MEP1A: variants seen among roughly 807,000 people sequenced by gnomAD.
MEP1A encodes meprin A subunit alpha.
In MEP1A, 68 loss-of-function variants were observed where a neutral mutation model predicts 84.5. The ratio of observed to expected loss-of-function variants is 0.80; its 90% CI spans 0.66 to 0.98. The LOEUF (loss-of-function observed/expected upper bound fraction) is 0.98. MEP1A is among the 50% of genes least tolerant of loss of function. The pLI is 0.00. For missense variants in MEP1A, 887 were observed against 919.9 expected, an observed-to-expected ratio of 0.96 and a Z score of 0.46; for synonymous variants, 337 against 336.8, an observed-to-expected ratio of 1.00 and a Z score of -0.01.
In MEP1A at chr6:46,819,599, G is replaced by A. The variant is rs943386357; in HGVS notation, c.451G>A (p.Ala151Thr). The A allele has an allele frequency of 1.9e-6, 3 of 1,613,918 alleles. No homozygotes were observed. The Admixed American group carries it at 5.0e-5, about 27-fold the overall frequency. Reference sequence around the variant, plus strand: ...CATTGGCCAAGGATGTGCCTATAAGGCCATCATAGAACACGAGATCCTGCA... The same window carrying A: ...CATTGGCCAAGGATGTGCCTATAAGACCATCATAGAACACGAGATCCTGCA... ...ISIGQGCAYK[A>T]IIEHEILHAL... Residue 151 changes from alanine to threonine, a missense_variant, in exon 7 of 14, where the codon GCC becomes ACC. Coordinates refer to ENST00000230588, the MANE Select transcript of MEP1A (RefSeq NM_005588.3).
chr6:46,843,404 C>A (rs145472865), downstream of MEP1A, among the ~76,000 whole-genome samples: 58 of 152,344 alleles, frequency 3.8e-4, no homozygotes, highest in African/African-American at 1.3e-3. Context: ...AAAGTTAGTT[C>A]ACTGGGCCTG....
At position 46,819,542 on chromosome 6, in the gene MEP1A, G is replaced by A. The variant is rs766638571; in HGVS notation, c.394G>A (p.Val132Ile). The A allele has an allele frequency of 3.1e-6, 5 of 1,611,558 alleles. No individual in the cohort carries two copies. The Admixed American group carries it at 5.0e-5, about 16-fold the overall frequency. ...FQQFDGCWSE[V>I]GDQHVGQNIS... ...TCCTCTTTAAAGGTGCTGGTCTGAG[G>A]TTGGTGACCAACATGTGGGACAGAA... The change falls in exon 7 of 14, where the codon GTT (valine) becomes ATT (isoleucine). Residue 132 changes from valine (V) to isoleucine (I), a missense_variant. Coordinates refer to ENST00000230588, the MANE Select transcript of MEP1A (RefSeq NM_005588.3).
intron 12 of MEP1A, 118 bp downstream of exon 12, chr6:46,834,869 G>A (rs1768175603): frequency 1.4e-6 from 1 of 723,904 alleles, no homozygotes; most frequent in South Asian, 1.9e-5. Context: ...ATGTGTTGTA[G>A]GAGAATCACA....
chr6:46,834,901 C>T lies in MEP1A; in HGVS notation c.1783+150C>T, dbSNP rs139220759. 1.9e-3 allele frequency: 1,218 copies of T among 631,374 alleles called. 8 individuals are homozygous for T. The Middle Eastern group carries it at 0.024, about 12-fold the overall frequency. The allele number at this position is 631,374 out of a possible 1,614,324, so 39.1% of individuals were successfully genotyped here. A position where few individuals can be genotyped will look rare whatever the true frequency, so the allele number is the denominator to read the frequency against. On this transcript the variant is annotated intron_variant, in intron 12 of 13. Transcript: ENST00000230588. ...CACATTTTATTCAATTGGTCAAGGA[C>T]TCACATCTTTATTTTAATTGTCCTT...
At chr6:46,819,005 C>A (rs1016429637) in intron 6 of MEP1A, among the ~76,000 whole-genome samples, 91 of 132,006 alleles carry the variant, frequency 6.9e-4, no homozygotes, top group African/African-American at 2.6e-3. Context: ...CAAGTCCCAG[C>A]CTCTCAGGAG....
intron 3 of MEP1A, among the ~76,000 whole-genome samples, chr6:46,796,082 A>G (rs1373187198): frequency 6.6e-6 from 1 of 152,048 alleles, no homozygotes; most frequent in African/African-American, 2.4e-5. Context: ...CTACTCCTCT[A>G]AGGAAGTGAT....
At chr6:46,815,883 A>G (rs1221124510) in intron 6 of MEP1A, among the ~76,000 whole-genome samples, 1 of 152,182 alleles carries the variant, frequency 6.6e-6, no homozygotes, top group Non-Finnish European at 1.5e-5. Context: ...TTAGATACAA[A>G]TTAAATACCT....
At chr6:46,807,611 A>AAG in intron 5 of MEP1A, among the ~76,000 whole-genome samples, 2 of 80,700 alleles carry the variant, frequency 2.5e-5, no homozygotes, top group African/African-American at 5.7e-5. Context: ...GAAGGAAGGA[A>AAG]GGAAGGAAGG....
Position 46,833,337 on chromosome 6 carries a change from A to T in MEP1A, c.1408A>T (p.Thr470Ser). 1 of 1,614,210 alleles carries T rather than the reference A, an allele frequency of 6.2e-7. No homozygotes were observed. Among genetic ancestry groups the T allele is most frequent in the Non-Finnish European group, 8.5e-7 (1 of 1,180,036 alleles). The change falls in exon 11 of 14, where the codon ACT (threonine) becomes TCT (serine). Residue 470 changes from threonine to serine, a missense_variant. By Grantham distance (58) the Thr-to-Ser change is moderately conservative. Transcript: ENST00000230588. ...TTCGGAGGGATATGGTTTTGGGGTA[A>T]CTTTATACCCAAATAGCAGAGAAAG... is the stretch of plus-strand genomic sequence containing the variant. ...YNSEGYGFGV[T>S]LYPNSRESSG...
At chr6:46,833,657 A>T in intron 11 of MEP1A, 119 bp downstream of exon 11, 1 of 741,510 alleles carries the variant, frequency 1.3e-6, no homozygotes, top group South Asian at 1.7e-5. Context: ...GAATACCAAT[A>T]ACATAGTCTT....
intron 11 of MEP1A, among the ~76,000 whole-genome samples, chr6:46,834,201 G>A (rs978984977): frequency 2.4e-4 from 36 of 151,726 alleles, no homozygotes; most frequent in Middle Eastern, 3.4e-3. Context: ...AGGATTACAG[G>A]CGTGAGCCAC....
rs367572247 is a variant in MEP1A, at chr6:46,839,064, C to T, written c.2169C>T (p.Ile723=). 42 of 1,613,762 alleles carry T rather than the reference C, an allele frequency of 2.6e-5. No individual in the cohort carries two copies. The highest frequency in any genetic ancestry group is 2.0e-4 in the African/African-American group (15 of 75,030). ...QVHGSVLGMV[I]GGTAGVIFLT... is the part of the protein sequence containing the mutation. The stretch of plus-strand genomic sequence containing the variant: ...ACGGCAGTGTCCTGGGCATGGTGAT[C>T]GGAGGCACGGCTGGCGTGATCTTCT... Residue 723 remains isoleucine (I), a synonymous_variant, in exon 14 of 14, where the codon ATC becomes ATT. Transcript: ENST00000230588.
At chr6:46,805,846 C>A (rs1052365495) in intron 5 of MEP1A, among the ~76,000 whole-genome samples, 1 of 151,868 alleles carries the variant, frequency 6.6e-6, no homozygotes, top group African/African-American at 2.4e-5. Flanking sequence ...CCATTATTTG[C>A]TCAAATATTT....
At chr6:46,822,388 G>T (rs971560491) in intron 7 of MEP1A, among the ~76,000 whole-genome samples, 1 of 151,930 alleles carries the variant, frequency 6.6e-6, no homozygotes, top group African/African-American at 2.4e-5. Flanking sequence ...CACTGTTGGG[G>T]GCACTACCAA....
intron 3 of MEP1A, among the ~76,000 whole-genome samples, chr6:46,798,036 T>A (rs1001060898): frequency 6.6e-6 from 1 of 151,616 alleles, no homozygotes; most frequent in Non-Finnish European, 1.5e-5. Context: ...GGCATGATCT[T>A]GGCTCACTGT....
At chr6:46,836,631 T>C (rs1166313370) in intron 13 of MEP1A, among the ~76,000 whole-genome samples, 1 of 152,172 alleles carries the variant, frequency 6.6e-6, no homozygotes, top group African/African-American at 2.4e-5. Context: ...CTTCCCAGTT[T>C]TCCCACTAAT....
Position 46,833,525 on chromosome 6 carries a change from G to A in MEP1A, c.1596G>A (p.Ser532=), listed in dbSNP as rs775075027. 1.8e-5 allele frequency: 29 copies of A among 1,613,338 alleles called. No individual in the cohort carries two copies. The highest frequency in any genetic ancestry group is 6.7e-5 in the East Asian group (3 of 44,892). The part of the protein sequence containing the change: ...SSSMVFTTSK[S]HTSPAINDTV... ...GCATGGTGTTCACTACCTCGAAGTC[G>A]CACACATCTCCAGGTGGGTGGTGTC... The change falls in exon 11 of 14, where the codon TCG becomes TCA. Residue 532 remains serine (S), a synonymous_variant. Coordinates refer to ENST00000230588, the MANE Select transcript of MEP1A (RefSeq NM_005588.3).
intron 7 of MEP1A, among the ~76,000 whole-genome samples, chr6:46,821,842 A>G (rs1275728624): frequency 6.6e-6 from 1 of 152,180 alleles, no homozygotes; most frequent in African/African-American, 2.4e-5. Flanking sequence ...ACAATTCCGT[A>G]TATCTAAATT....
At chr6:46,807,528 G>T (rs543650456) in intron 5 of MEP1A, among the ~76,000 whole-genome samples, 1,009 of 30,618 alleles carry the variant, frequency 0.033, 17 homozygotes, top group African/African-American at 0.14. Flanking sequence ...AAGAAAGAAA[G>T]AAAGAAAGAA....
Sources: allele counts gnomAD v4.1 joint callset (sites outside exome capture counted in the v4.1 genomes callset), GRCh38; gene constraint gnomAD v4.1.1; transcripts MANE v1.5; gene names NCBI Gene and HGNC (gene_info 2026-07-23, HGNC 2026-07-21).